The following CXCL13 variants were observed in gnomAD, a reference collection of about 807,000 sequenced individuals.
The protein encoded by CXCL13 is C-X-C motif chemokine ligand 13.
CXCL13 carries 7 observed loss-of-function variants against 12.2 expected under a neutral mutation model. The observed-to-expected ratio is 0.57, with a 90% CI of 0.33 to 1.07. The LOEUF (loss-of-function observed/expected upper bound fraction) is 1.07. CXCL13 is among the 50% of genes least tolerant of loss of function. CXCL13 has a pLI of 0.04. For synonymous variants in CXCL13, 47 were observed against 42.4 expected (o/e 1.11, Z -0.42); for missense variants, 113 against 127.4 (o/e 0.89, Z 0.55).
rs111902409 is a variant in CXCL13 at position 77,551,808 on chromosome 4, G to A, written c.-43+40020G>A. Among the ~76,000 whole-genome samples, 424 of 151,772 alleles carry A rather than the reference G, an allele frequency of 2.8e-3. 2 individuals are homozygous for A. Among genetic ancestry groups the A allele is most frequent in the African/African-American group, 9.7e-3 (403 of 41,392 alleles). ...TTTAAATTCTTTTTTCTGTATTTTT[G>A]TCTTACTGAGTTAGTTCAAAAGACT... On this transcript the variant is annotated intron_variant, in intron 1 of 4. Coordinates refer to the CXCL13 transcript ENST00000286758.
rs1726561765 is a variant in CXCL13 at position 77,589,689 on chromosome 4, A to G, written c.-42-16135A>G. On this transcript the variant is annotated intron_variant, in intron 1 of 4. Coordinates refer to the CXCL13 transcript ENST00000286758. ...TACCAAAGTTCTACTTTCTGACCTC[A>G]GGGCTGAACACCAAGTGCTTGACAC... 2.6e-5 allele frequency among the ~76,000 whole-genome samples: 4 copies of G among 152,186 alleles called. No individual in the cohort carries two copies. In the South Asian group the frequency reaches 8.3e-4, roughly 32 times the overall value.
At chr4:77,555,943 C>T (rs1725646264) in intron 1 of CXCL13, among the ~76,000 whole-genome samples, 1 of 152,032 alleles carries the variant, frequency 6.6e-6, no homozygotes, top group Non-Finnish European at 1.5e-5. Context: ...AAAATAAAAC[C>T]AAATAACTGA....
chr4:77,557,927 C>T (rs745880249), intron 1 of CXCL13, among the ~76,000 whole-genome samples: 5 of 152,198 alleles, frequency 3.3e-5, no homozygotes, highest in Non-Finnish European at 7.3e-5. Flanking sequence ...CTGGTATTTA[C>T]CTTACTGAGT....
At chr4:77,549,942 C>T (rs567326767) in intron 1 of CXCL13, among the ~76,000 whole-genome samples, 16 of 152,360 alleles carry the variant, frequency 1.1e-4, no homozygotes, top group African/African-American at 3.4e-4. Flanking sequence ...GCCCTGCCCC[C>T]AGAGGTGGAG....
At chr4:77,520,431 A>G (rs1724562882) in intron 1 of CXCL13, among the ~76,000 whole-genome samples, 3 of 152,110 alleles carry the variant, frequency 2.0e-5, no homozygotes, top group Admixed American at 1.3e-4. Flanking sequence ...GGTCCTTCAC[A>G]TCCCTTGTAA....
chr4:77,536,141 C>A (rs1200397322), intron 1 of CXCL13, among the ~76,000 whole-genome samples: 2 of 152,014 alleles, frequency 1.3e-5, no homozygotes, highest in African/African-American at 4.8e-5. Flanking sequence ...TATAAGTCAG[C>A]TTTTGGGGGC....
intron 1 of CXCL13, among the ~76,000 whole-genome samples, chr4:77,567,956 C>G (rs527824727): frequency 7.2e-5 from 11 of 152,182 alleles, no homozygotes; most frequent in African/African-American, 2.7e-4. Flanking sequence ...TATTCCTTTA[C>G]TTTCCTTTAC....
chr4:77,606,380 A>G (rs1727004436), intron 1 of CXCL13, among the ~76,000 whole-genome samples: 1 of 152,236 alleles, frequency 6.6e-6, no homozygotes, highest in African/African-American at 2.4e-5. Flanking sequence ...CACCACTGTC[A>G]GTACACCAGG....
intron 1 of CXCL13, among the ~76,000 whole-genome samples, chr4:77,521,158 G>A (rs1195796217): frequency 1.3e-5 from 2 of 152,196 alleles, no homozygotes; most frequent in Non-Finnish European, 2.9e-5. Flanking sequence ...TGTTCATCAG[G>A]GATATTGGAC....
chr4:77,530,555 A>G (rs922551918), intron 1 of CXCL13, among the ~76,000 whole-genome samples: 1 of 152,126 alleles, frequency 6.6e-6, no homozygotes, highest in African/African-American at 2.4e-5. Flanking sequence ...TTTCTAGTTT[A>G]TTTCATAGAG....
At position 77,611,466 on chromosome 4, in the gene CXCL13, G is replaced by C. The variant is rs1727152751; in HGVS notation, c.*427G>C. On this transcript the variant is annotated 3_prime_UTR_variant, in exon 4 of 4. Transcript: ENST00000682537. The stretch of plus-strand genomic sequence containing the variant: ...CTATGAAAGACTCAAAAAGCTGCCT[G>C]GGAGGCAGATGGAACTTGAGCCTGT... The C allele has an allele frequency of 5.1e-6, 2 of 391,656 alleles. No individual in the cohort carries two copies. Among genetic ancestry groups the C allele is most frequent in the Non-Finnish European group, 9.0e-6 (2 of 222,606 alleles). The allele number at this position is 391,656 out of a possible 1,614,324, so 24.3% of individuals were successfully genotyped here.
intron 1 of CXCL13, among the ~76,000 whole-genome samples, chr4:77,538,287 G>T (rs944767884): frequency 6.6e-6 from 1 of 151,972 alleles, no homozygotes; most frequent in Non-Finnish European, 1.5e-5. Flanking sequence ...CTCTGTTTCT[G>T]CTCAGTCTCA....
intron 1 of CXCL13, among the ~76,000 whole-genome samples, chr4:77,539,211 G>T (rs1361803206): frequency 6.6e-6 from 1 of 152,052 alleles, no homozygotes. Flanking sequence ...TTACAGGCAT[G>T]CACCCAGAGT....
intron 1 of CXCL13, among the ~76,000 whole-genome samples, chr4:77,514,038 G>A (rs950597559): frequency 4.6e-5 from 7 of 151,972 alleles, no homozygotes; most frequent in African/African-American, 1.7e-4. Flanking sequence ...TCCCACCTAT[G>A]AGCGAGAATA....
intron 1 of CXCL13, among the ~76,000 whole-genome samples, chr4:77,543,199 G>A (rs900719586): frequency 6.6e-6 from 1 of 151,862 alleles, no homozygotes; most frequent in Admixed American, 6.6e-5. Context: ...CTGTGAGATT[G>A]GTTGTAAGGT....
At chr4:77,536,631 G>C (rs1479674009) in intron 1 of CXCL13, among the ~76,000 whole-genome samples, 1 of 152,204 alleles carries the variant, frequency 6.6e-6, no homozygotes, top group African/African-American at 2.4e-5. Context: ...CTGGGTAAGA[G>C]TAAATACTCC....
chr4:77,547,994 C>A (rs1725415128), intron 1 of CXCL13, among the ~76,000 whole-genome samples: 2 of 151,818 alleles, frequency 1.3e-5, no homozygotes, highest in Admixed American at 6.6e-5. Flanking sequence ...GTTTATGAAG[C>A]TTAGTTTGGC....
Position 77,578,183 on chromosome 4 carries a change from A to T in CXCL13, c.-42-27641A>T, listed in dbSNP as rs140996998. On this transcript the variant is annotated intron_variant, in intron 1 of 4. Coordinates refer to the CXCL13 transcript ENST00000286758. ...GCCTCAGGATTCTTGAGCTGACTTT[A>T]TCCACCCCCCTTGTTTTATTTTGAT... Among the ~76,000 whole-genome samples the T allele has an allele frequency of 1.6e-4, 24 of 152,238 alleles. No homozygotes were observed. The East Asian group carries it at 4.4e-3, about 28-fold the overall frequency.
chr4:77,533,700 C>A (rs1323729665), intron 1 of CXCL13, among the ~76,000 whole-genome samples: 3 of 152,174 alleles, frequency 2.0e-5, no homozygotes, highest in Non-Finnish European at 4.4e-5. Context: ...AGCTACCAGG[C>A]CGCTTTGTTT....
Sources: gnomAD v4.1 joint callset for allele counts (sites outside exome capture counted in the v4.1 genomes callset) on GRCh38, gnomAD v4.1.1 for gene constraint, MANE v1.5 for transcripts, NCBI Gene and HGNC (gene_info 2026-07-23, HGNC 2026-07-21) for gene names.